The following STK32B variants were observed in gnomAD, a reference collection of about 807,000 sequenced individuals.
The protein encoded by STK32B is serine/threonine-protein kinase 32B.
Under a neutral mutation model 52.6 loss-of-function variants are expected in STK32B, and 43 were observed. The observed-to-expected ratio is 0.82, with a 90% CI of 0.64 to 1.05. The LOEUF is 1.05. Ranked by LOEUF, STK32B falls within the 50% of genes least tolerant of loss-of-function variation. The pLI, the probability that STK32B is intolerant of heterozygous loss-of-function variation, is 0.00. For missense variants in STK32B, 621 were observed against 534.6 expected, an observed-to-expected ratio of 1.16 and a Z score of -1.59; for synonymous variants, 238 against 204.3, an observed-to-expected ratio of 1.17 and a Z score of -1.41.
intron 3 of STK32B, among the ~76,000 whole-genome samples, chr4:5,196,590 G>A (rs935135335): frequency 1.9e-4 from 29 of 151,740 alleles, no homozygotes; most frequent in African/African-American, 2.7e-4. Flanking sequence ...GCATGGTGGC[G>A]CACGCCTATA....
At chr4:5,271,732 T>C (rs1359908064) in intron 3 of STK32B, among the ~76,000 whole-genome samples, 4 of 145,612 alleles carry the variant, frequency 2.7e-5, no homozygotes, top group African/African-American at 8.4e-5. Context: ...CCCTTGTAAG[T>C]TGGATTCCTA....
intron 4 of STK32B, among the ~76,000 whole-genome samples, chr4:5,352,051 A>G (rs1040141865): frequency 6.6e-6 from 1 of 152,122 alleles, no homozygotes; most frequent in African/African-American, 2.4e-5. Flanking sequence ...TCCTTAAACT[A>G]TTCTAGAAAA....
intron 3 of STK32B, among the ~76,000 whole-genome samples, chr4:5,225,965 A>C (rs2108800935): frequency 6.6e-6 from 1 of 152,304 alleles, no homozygotes; most frequent in Non-Finnish European, 1.5e-5. Context: ...CCGTTTCTTC[A>C]GACTTCTGTT....
chr4:5,036,659 ATTTT>A, the STK32B span, among the ~76,000 whole-genome samples: 1 of 74,234 alleles, frequency 1.3e-5, no homozygotes, highest in African/African-American at 5.3e-5. Context: ...GCAAGGGTGG[ATTTT>A]TTTTTTTTTT....
At chr4:5,404,194 A>T (rs1300637224) in intron 5 of STK32B, among the ~76,000 whole-genome samples, 1 of 152,106 alleles carries the variant, frequency 6.6e-6, no homozygotes, top group Non-Finnish European at 1.5e-5. Flanking sequence ...ATTGTCTCAC[A>T]GTTCTGGAGG....
At chr4:5,361,079 C>T (rs942697718) in intron 4 of STK32B, among the ~76,000 whole-genome samples, 1 of 152,202 alleles carries the variant, frequency 6.6e-6, no homozygotes, top group Admixed American at 6.5e-5. Flanking sequence ...ATACAGTCTT[C>T]GTCCTTTTGT....
intron 1 of STK32B, among the ~76,000 whole-genome samples, chr4:5,137,020 C>G (rs552927044): frequency 1.3e-5 from 2 of 152,204 alleles, no homozygotes; most frequent in African/African-American, 4.8e-5. Flanking sequence ...GGAATATTTA[C>G]AATGTTATAA....
At chr4:5,142,398 T>C (rs540354711) in intron 2 of STK32B, among the ~76,000 whole-genome samples, 34 of 152,346 alleles carry the variant, frequency 2.2e-4, no homozygotes, top group African/African-American at 7.7e-4. Flanking sequence ...CAGAATGATA[T>C]TGAGTTGTGC....
chr4:5,175,292 T>C (rs1257270553), intron 3 of STK32B, among the ~76,000 whole-genome samples: 1 of 152,348 alleles, frequency 6.6e-6, no homozygotes, highest in East Asian at 1.9e-4. Context: ...TGAAGCCTTC[T>C]TCTCTCAACT....
chr4:5,248,727 C>T (rs193056577), intron 3 of STK32B, among the ~76,000 whole-genome samples: 4 of 152,184 alleles, frequency 2.6e-5, no homozygotes, highest in East Asian at 1.9e-4. Flanking sequence ...ACATATACAC[C>T]GTGGAATACT....
chr4:5,181,581 C>A (rs1258244296), intron 3 of STK32B, among the ~76,000 whole-genome samples: 2 of 152,162 alleles, frequency 1.3e-5, no homozygotes, highest in East Asian at 3.9e-4. Flanking sequence ...AGTATCAGAA[C>A]ACAACAAAGC....
At chr4:5,037,896 T>C in the STK32B span, among the ~76,000 whole-genome samples, 7 of 152,146 alleles carry the variant, frequency 4.6e-5, no homozygotes, top group Admixed American at 6.5e-5. Context: ...TGGCATGTAA[T>C]GGGCACATGT....
chr4:5,435,900 C>G (rs1198700010), intron 6 of STK32B: 1 of 152,294 alleles, frequency 6.6e-6, no homozygotes, highest in Non-Finnish European at 1.5e-5. Flanking sequence ...CTGAGGAGTC[C>G]ACTGTACCTG....
At chr4:5,303,500 C>T (rs547639679) in intron 3 of STK32B, among the ~76,000 whole-genome samples, 1 of 152,120 alleles carries the variant, frequency 6.6e-6, no homozygotes, top group East Asian at 1.9e-4. Flanking sequence ...ATTGTCTATT[C>T]ATGTCCTCAG....
intron 6 of STK32B, among the ~76,000 whole-genome samples, chr4:5,428,901 A>G (rs1279718920): frequency 1.3e-5 from 2 of 152,202 alleles, no homozygotes; most frequent in Non-Finnish European, 2.9e-5. Flanking sequence ...TAATACAGCC[A>G]CTTCAGCTTT....
chr4:5,139,818 G>C (rs1716294513), intron 1 of STK32B, 87 bp from the exon 2 acceptor site: 3 of 1,487,836 alleles, frequency 2.0e-6, no homozygotes, highest in African/African-American at 1.4e-5. Context: ...TTTGGAATAG[G>C]TGGGTAGGTA....
intron 2 of STK32B, among the ~76,000 whole-genome samples, chr4:5,167,993 C>T (rs1056118287): frequency 4.6e-5 from 7 of 152,208 alleles, no homozygotes; most frequent in African/African-American, 1.2e-4. Flanking sequence ...CTATTTTCCT[C>T]GTGGGCTGTG....
At chr4:5,391,068 C>T (rs1736568827) in intron 4 of STK32B, among the ~76,000 whole-genome samples, 1 of 150,468 alleles carries the variant, frequency 6.6e-6, no homozygotes, top group African/African-American at 2.5e-5. Flanking sequence ...ACACCATTCT[C>T]CTGCCTTGGC....
intron 3 of STK32B, among the ~76,000 whole-genome samples, chr4:5,237,024 A>G (rs1724686235): frequency 2.0e-5 from 3 of 152,198 alleles, no homozygotes; most frequent in African/African-American, 7.2e-5. Context: ...TTTGCTGCAC[A>G]GGAAGCTCTC....
Sources: allele counts gnomAD v4.1 joint callset (sites outside exome capture counted in the v4.1 genomes callset), GRCh38; gene constraint gnomAD v4.1.1; transcripts MANE v1.5; gene names NCBI Gene and HGNC (gene_info 2026-07-23, HGNC 2026-07-21).